The following PRIM2 variants were observed in gnomAD, a reference collection of about 807,000 sequenced individuals.
The protein encoded by PRIM2 is DNA primase subunit 2.
PRIM2 carries 39 observed loss-of-function variants against 67.3 expected under a neutral mutation model. That is an observed-to-expected ratio of 0.58 (90% CI 0.45 to 0.76). PRIM2 has a LOEUF of 0.76. PRIM2 is among the 30% of genes least tolerant of loss of function. The pLI, the probability that PRIM2 is intolerant of heterozygous loss-of-function variation, is 0.00. For synonymous variants in PRIM2, 143 were observed against 198.7 expected, an observed-to-expected ratio of 0.72 and a Z score of 2.36; for missense variants, 398 against 598.7, an observed-to-expected ratio of 0.66 and a Z score of 3.50.
Position 57,320,555 on chromosome 6 carries a change from T to C in PRIM2, c.253T>C (p.Tyr85His). 3 of 1,598,780 alleles carry C rather than the reference T, an allele frequency of 1.9e-6. No homozygotes were observed. In the African/African-American group the frequency reaches 4.0e-5, roughly 21 times the overall value. The change falls in exon 3 of 14, where the codon TAC becomes CAC. Residue 85 changes from tyrosine (Y) to histidine (H), a missense_variant. By Grantham distance (83) the Tyr-to-His change is moderately conservative. Around this residue, in one of 4 missense-constraint regions of PRIM2, gnomAD observed 96 missense variants for 98.3 expected, o/e 0.98. Transcript: ENST00000615550. ...ESELRKLKFS[Y>H]RENLEDEYEP... ...TGAGCTTCGGAAGCTCAAGTTTTCC[T>C]ACAGAGTAAGTAAAAAAGGAAAAAA...
At chr6:57,223,265 A>G in the PRIM2 span, among the ~76,000 whole-genome samples, 1 of 152,194 alleles carries the variant, frequency 6.6e-6, no homozygotes, top group Non-Finnish European at 1.5e-5. Context: ...CAAAGTTAGC[A>G]TAATGGTTAC....
chr6:57,641,683 T>C (rs1370231911), intron 13 of PRIM2, among the ~76,000 whole-genome samples: 3 of 152,204 alleles, frequency 2.0e-5, no homozygotes, highest in Admixed American at 6.5e-5. Flanking sequence ...TGCAATGAGA[T>C]ACCATCTCAT....
intron 9 of PRIM2, among the ~76,000 whole-genome samples, chr6:57,534,740 T>C (rs1774965273): frequency 1.3e-5 from 2 of 152,224 alleles, no homozygotes; most frequent in South Asian, 4.1e-4. Context: ...TTTTATCTTC[T>C]GCTCCATTCC....
the PRIM2 span, among the ~76,000 whole-genome samples, chr6:57,297,335 G>A: frequency 1.3e-5 from 2 of 152,000 alleles, no homozygotes; most frequent in African/African-American, 4.8e-5. Context: ...CCAGCTACTC[G>A]GGAGGCTGAG....
At chr6:57,543,008 G>A (rs1775203019) in intron 10 of PRIM2, among the ~76,000 whole-genome samples, 1 of 133,722 alleles carries the variant, frequency 7.5e-6, no homozygotes, top group Admixed American at 8.1e-5. Context: ...GCGCAATCTC[G>A]GCTCACTGCA....
chr6:57,321,599 AC>A (rs34907634), intron 3 of PRIM2, among the ~76,000 whole-genome samples: 26,090 of 152,038 alleles, frequency 0.17, 2,398 homozygotes, highest in Non-Finnish European at 0.19. Context: ...TAGGAGATGA[AC>A]CAGGATAGTA....
At chr6:57,341,307 A>G (rs941411343) in intron 5 of PRIM2, among the ~76,000 whole-genome samples, 4 of 152,202 alleles carry the variant, frequency 2.6e-5, no homozygotes, top group African/African-American at 9.6e-5. Context: ...AGAAAACATT[A>G]TGCCTTATGT....
chr6:57,277,912 A>T, the PRIM2 span, among the ~76,000 whole-genome samples: 1 of 151,804 alleles, frequency 6.6e-6, no homozygotes, highest in East Asian at 1.9e-4. Context: ...TGAACCCGGG[A>T]GGTGGAGCTT....
intron 5 of PRIM2, among the ~76,000 whole-genome samples, chr6:57,377,920 T>G (rs1237831350): frequency 1.3e-5 from 2 of 152,154 alleles, no homozygotes; most frequent in Non-Finnish European, 2.9e-5. Flanking sequence ...GCTGGATGTT[T>G]GTATGTTCCT....
At chr6:57,503,942 A>G (rs1337840154) in intron 7 of PRIM2, among the ~76,000 whole-genome samples, 1 of 152,184 alleles carries the variant, frequency 6.6e-6, no homozygotes, top group African/African-American at 2.4e-5. Flanking sequence ...ATTTTCCATG[A>G]AAAAATTTGG....
the PRIM2 span, among the ~76,000 whole-genome samples, chr6:57,246,203 C>T: frequency 6.6e-6 from 1 of 152,100 alleles, no homozygotes; most frequent in East Asian, 1.9e-4. Context: ...GTTCTGCAGC[C>T]CATTTACGGG....
intron 10 of PRIM2, among the ~76,000 whole-genome samples, chr6:57,545,672 G>C (rs1197171344): frequency 6.6e-6 from 1 of 152,068 alleles, no homozygotes; most frequent in African/African-American, 2.4e-5. Flanking sequence ...GACCTCAGGT[G>C]ATCTACCCAC....
chr6:57,512,251 A>G (rs1774387071), intron 8 of PRIM2, among the ~76,000 whole-genome samples: 2 of 152,248 alleles, frequency 1.3e-5, no homozygotes, highest in South Asian at 4.1e-4. Flanking sequence ...TTCTGAGGAC[A>G]TGTAAGGAAA....
chr6:57,557,088 C>T (rs1464804690), intron 10 of PRIM2, among the ~76,000 whole-genome samples: 6 of 131,486 alleles, frequency 4.6e-5, no homozygotes, highest in Non-Finnish European at 9.6e-5. Context: ...CATCTCATAC[C>T]AGTCAGAATG....
At chr6:57,333,525 T>C (rs1474529733) in intron 5 of PRIM2, among the ~76,000 whole-genome samples, 1 of 152,180 alleles carries the variant, frequency 6.6e-6, no homozygotes, top group Non-Finnish European at 1.5e-5. Context: ...CTTGGTGGAC[T>C]CTTTTAATCT....
intron 7 of PRIM2, among the ~76,000 whole-genome samples, chr6:57,434,734 T>G (rs1771956546): frequency 1.3e-5 from 2 of 152,122 alleles, no homozygotes; most frequent in Non-Finnish European, 2.9e-5. Context: ...GTGTATTTTT[T>G]AATATATCAG....
intron 7 of PRIM2, among the ~76,000 whole-genome samples, chr6:57,500,820 A>G (rs1290305217): frequency 1.3e-5 from 2 of 152,094 alleles, no homozygotes; most frequent in African/African-American, 4.8e-5. Flanking sequence ...GGTCTCTCCT[A>G]GTTATTTACA....
At chr6:57,414,083 T>A (rs1344043585) in intron 7 of PRIM2, among the ~76,000 whole-genome samples, 1 of 152,086 alleles carries the variant, frequency 6.6e-6, no homozygotes, top group Non-Finnish European at 1.5e-5. Flanking sequence ...TTTGGTTAAG[T>A]GGGGAATAAG....
intron 10 of PRIM2, among the ~76,000 whole-genome samples, chr6:57,587,773 C>A (rs1419837466): frequency 8.0e-5 from 12 of 150,454 alleles, no homozygotes; most frequent in African/African-American, 2.7e-4. Context: ...GATTAGGCAC[C>A]AAGGGAAATC....
Sources: gnomAD v4.1 joint callset for allele counts (sites outside exome capture counted in the v4.1 genomes callset) on GRCh38, gnomAD v4.1.1 for gene constraint, gnomAD v4.1.1 regional missense constraint, MANE v1.5 for transcripts, NCBI Gene and HGNC (gene_info 2026-07-23, HGNC 2026-07-21) for gene names.